Variants in GATAD1 observed in about 807,000 individuals in gnomAD.
GATAD1 encodes GATA zinc finger domain-containing protein 1.
GATAD1 carries 12 observed loss-of-function variants against 26.5 expected under a neutral mutation model. That is an observed-to-expected ratio of 0.45 (90% CI 0.29 to 0.73). The LOEUF (loss-of-function observed/expected upper bound fraction) is 0.73. GATAD1 is among the 30% of genes least tolerant of loss of function. The pLI is 0.10. For synonymous variants in GATAD1, 129 were observed against 133.1 expected (o/e 0.97, Z 0.21); for missense variants, 266 against 342.1 (o/e 0.78, Z 1.75).
At chr7:92,451,216 G>A (rs971813504) in intron 3 of GATAD1, among the ~76,000 whole-genome samples, 5 of 152,186 alleles carry the variant, frequency 3.3e-5, no homozygotes, top group African/African-American at 1.2e-4. Context: ...AAGGGCAGTA[G>A]TGAGGATTAA....
At chr7:92,450,801 GT>G in intron 3 of GATAD1, 41 bp downstream of exon 3, 1 of 1,193,414 alleles carries the variant, frequency 8.4e-7, no homozygotes, top group Non-Finnish European at 1.3e-6. Flanking sequence ...GTTGGGCCTA[GT>G]GGGTAATGTG....
At chr7:92,454,122 G>T in intron 3 of GATAD1, 1 of 239,144 alleles carries the variant, frequency 4.2e-6, no homozygotes, top group Non-Finnish European at 8.0e-6. Context: ...ATGTGCATGT[G>T]TGGGGGCAGG....
intron 2 of GATAD1, 77 bp downstream of exon 2, chr7:92,448,954 T>C: frequency 6.9e-7 from 1 of 1,443,102 alleles, no homozygotes; most frequent in Non-Finnish European, 9.7e-7. Flanking sequence ...TTCTCACCAT[T>C]GAACTTGGAC....
chr7:92,488,233 A>G, the GATAD1 span, among the ~76,000 whole-genome samples: 10 of 152,226 alleles, frequency 6.6e-5, no homozygotes, highest in Non-Finnish European at 1.5e-4. Flanking sequence ...ATAGGAAAAC[A>G]TATATAAGCA....
At chr7:92,473,062 G>A in the GATAD1 span, 1 of 152,234 alleles carries the variant, frequency 6.6e-6, no homozygotes, top group African/African-American at 2.4e-5. Context: ...CAGGTGAGTT[G>A]AGATGTTGGG....
In GATAD1 at chr7:92,447,760, G is replaced by T; in HGVS notation, c.31G>T (p.Val11Leu). Residue 11 changes from valine (V) to leucine (L), a missense_variant, in exon 1 of 5, where the codon GTA (valine) becomes TTA (leucine). By Grantham distance (32) the Val-to-Leu change is conservative. Coordinates refer to ENST00000287957, the MANE Select transcript of GATAD1 (RefSeq NM_021167.5). Reference protein sequence around the residue: MPLGLKPTCSVCKTTSSSMWK... With the variant: MPLGLKPTCSLCKTTSSSMWK... The stretch of plus-strand genomic sequence containing the variant: ...GCTGGGCCTGAAGCCCACCTGCAGC[G>T]TATGCAAGACCACGTCGTCCTCCAT... 6.7e-7 allele frequency: 1 copy of T among 1,499,050 alleles called. No individual in the cohort carries two copies. The allele number at this position is 1,499,050 out of a possible 1,614,324, so 92.9% of individuals were successfully genotyped here.
In GATAD1 at chr7:92,448,769, CAGG is replaced by C. The variant is rs1789287813; in HGVS notation, c.271_273del (p.Arg91del). The C allele has an allele frequency of 6.2e-7, 1 of 1,611,814 alleles. No individual in the cohort carries two copies. The highest frequency in any genetic ancestry group is 8.5e-7 in the Non-Finnish European group (1 of 1,178,040). On this transcript the variant is annotated inframe_deletion, in exon 2 of 5. Transcript: ENST00000287957. ...TGTAACAGAGTAAGCAGGAAATTCA[CAGG>C]AGGTCTGCTCGGCTCAGAAACACTA... is the stretch of plus-strand genomic sequence containing the variant.
the GATAD1 span, among the ~76,000 whole-genome samples, chr7:92,480,658 G>A: frequency 9.2e-5 from 14 of 152,142 alleles, no homozygotes; most frequent in Admixed American, 9.2e-4. Flanking sequence ...ATTGATAGGC[G>A]GAAGTTTCAA....
At chr7:92,468,395 T>TG in the GATAD1 span, 3 of 176,224 alleles carry the variant, frequency 1.7e-5, no homozygotes, top group African/African-American at 7.2e-5. Flanking sequence ...TTGCAAGATT[T>TG]AATAGAGTGA....
At position 92,460,027 on chromosome 7, in the gene GATAD1, A is replaced by G. The variant is rs1250354352; in HGVS notation, c.*3465A>G. On this transcript the variant is annotated 3_prime_UTR_variant, in exon 5 of 5. Coordinates refer to ENST00000287957, the MANE Select transcript of GATAD1 (RefSeq NM_021167.5). ...GATGTTTTTAAGATGAGTTTTAAATAGTTCTCTTAACACAAATAAAGCTTA... is the reference window on the plus strand; with the variant it reads ...GATGTTTTTAAGATGAGTTTTAAATGGTTCTCTTAACACAAATAAAGCTTA... Among the ~76,000 whole-genome samples, 3 of 152,226 alleles carry G rather than the reference A, an allele frequency of 2.0e-5. No individual in the cohort carries two copies. Among genetic ancestry groups the G allele is most frequent in the Non-Finnish European group, 4.4e-5 (3 of 68,036 alleles).
chr7:92,469,231 C>T, the GATAD1 span: 27 of 762,972 alleles, frequency 3.5e-5, no homozygotes, highest in Admixed American at 3.4e-4. Context: ...GTCTAAAGCT[C>T]TTCGATTTTG....
the GATAD1 span, among the ~76,000 whole-genome samples, chr7:92,492,676 T>G: frequency 6.6e-6 from 1 of 152,350 alleles, no homozygotes; most frequent in East Asian, 1.9e-4. Context: ...AGTATTTAAT[T>G]CATGGTATCC....
the GATAD1 span, chr7:92,468,699 GTC>G: frequency 3.0e-6 from 2 of 660,750 alleles, no homozygotes; most frequent in Non-Finnish European, 5.4e-6. Flanking sequence ...AGCTAGTCCT[GTC>G]TCTCAGTCCC....
the GATAD1 span, chr7:92,491,396 T>C: frequency 6.2e-7 from 1 of 1,613,642 alleles, no homozygotes; most frequent in Non-Finnish European, 8.5e-7. Context: ...AAGGGACTGA[T>C]CTAAGCCACA....
the GATAD1 span, among the ~76,000 whole-genome samples, chr7:92,467,800 G>C: frequency 6.6e-6 from 1 of 152,222 alleles, no homozygotes; most frequent in Admixed American, 6.5e-5. Context: ...TGTAATAGAA[G>C]CCCTACTTGG....
At chr7:92,492,916 T>G in the GATAD1 span, 1 of 1,509,724 alleles carries the variant, frequency 6.6e-7, no homozygotes, top group Non-Finnish European at 9.2e-7. Flanking sequence ...CTTTTATCAC[T>G]CATAAAATGT....
chr7:92,487,405 AT>A, the GATAD1 span: 1 of 936,772 alleles, frequency 1.1e-6, no homozygotes, highest in Non-Finnish European at 1.7e-6. Flanking sequence ...GTTACAACAT[AT>A]GGAAAAGCCA....
At chr7:92,478,496 C>G in the GATAD1 span, among the ~76,000 whole-genome samples, 1 of 152,060 alleles carries the variant, frequency 6.6e-6, no homozygotes, top group Middle Eastern at 3.2e-3. Flanking sequence ...CGTGGGGTGG[C>G]AGAGGTCAGG....
the GATAD1 span, among the ~76,000 whole-genome samples, chr7:92,484,106 A>G: frequency 1.3e-5 from 2 of 152,180 alleles, no homozygotes; most frequent in African/African-American, 2.4e-5. Flanking sequence ...TAGATCTTGT[A>G]GGATGGAGAA....
Sources: gnomAD v4.1 joint callset for allele counts (sites outside exome capture counted in the v4.1 genomes callset) on GRCh38, gnomAD v4.1.1 for gene constraint, MANE v1.5 for transcripts, NCBI Gene and HGNC (gene_info 2026-07-23, HGNC 2026-07-21) for gene names.